PSMD9: variants seen among roughly 807,000 people sequenced by gnomAD.
PSMD9 encodes the protein 26S proteasome non-ATPase regulatory subunit 9.
PSMD9 carries 26 observed loss-of-function variants against 25.9 expected under a neutral mutation model. The ratio of observed to expected loss-of-function variants is 1.00; its 90% CI spans 0.73 to 1.39. PSMD9 has a LOEUF of 1.39. Among genes scored for constraint, PSMD9 ranks in the 40% most tolerant of loss-of-function variants. The pLI, the probability that PSMD9 is intolerant of heterozygous loss-of-function variation, is 0.00. For synonymous variants in PSMD9, 110 were observed against 114.5 expected, an observed-to-expected ratio of 0.96 and a Z score of 0.25; for missense variants, 303 against 299.3, an observed-to-expected ratio of 1.01 and a Z score of -0.09.
intron 4 of PSMD9, among the ~76,000 whole-genome samples, chr12:121,913,894 T>G (rs531702908): frequency 2.8e-4 from 42 of 151,764 alleles, no homozygotes; most frequent in African/African-American, 1.0e-3. Context: ...GCATCTTGTT[T>G]TATTTATTTA....
Position 121,911,094 on chromosome 12 carries a change from CA to C in PSMD9, c.556-4761del, listed in dbSNP as rs1473648928. On this transcript the variant is annotated intron_variant, in intron 4 of 5. Coordinates refer to ENST00000541212, the MANE Select transcript of PSMD9 (RefSeq NM_002813.7). ...TCGCTCTGTTGCCCAGGCTGGAGTGCAGTGGCTCAATCTCCACTCACTGCAC... is the reference window on the plus strand; with the variant it reads ...TCGCTCTGTTGCCCAGGCTGGAGTGCGTGGCTCAATCTCCACTCACTGCAC... The C allele has an allele frequency of 9.7e-5, 42 of 431,082 alleles. No homozygotes were observed. In the Admixed American group the frequency reaches 1.0e-3, roughly 10 times the overall value. 26.7% of individuals were successfully genotyped at this position (431,082 alleles called of 1,614,324 possible). A position where few individuals can be genotyped will look rare whatever the true frequency, so the allele number is the denominator to read the frequency against.
chr12:121,898,552 T>G (rs1879297893), intron 2 of PSMD9: 1 of 152,040 alleles, frequency 6.6e-6, no homozygotes, highest in Non-Finnish European at 1.5e-5. Flanking sequence ...CTTTTTTTTT[T>G]TTTTTTTGAG....
chr12:121,892,709 A>G (rs1879121792), intron 1 of PSMD9, among the ~76,000 whole-genome samples: 1 of 152,014 alleles, frequency 6.6e-6, no homozygotes, highest in Non-Finnish European at 1.5e-5. Flanking sequence ...TTTAAAAAAA[A>G]AAAATTAAAA....
At chr12:121,910,467 A>C (rs1308839455) in intron 4 of PSMD9, among the ~76,000 whole-genome samples, 1 of 151,782 alleles carries the variant, frequency 6.6e-6, no homozygotes, top group Non-Finnish European at 1.5e-5. Flanking sequence ...ATAATATAAA[A>C]ATTACCATTT....
chr12:121,894,726 T>G lies in PSMD9; in HGVS notation c.139-13T>G. 6.2e-7 allele frequency: 1 copy of G among 1,613,210 alleles called. No homozygotes were observed. The highest frequency in any genetic ancestry group is 1.3e-5 in the African/African-American group (1 of 74,988). ...ACCCATGAGCACCTTTTAACCACGT[T>G]TCTTTCCTCCAGCAAAAAGGCATTG... On this transcript the variant is annotated splice_polypyrimidine_tract_variant and intron_variant, in intron 1 of 5. Transcript: ENST00000541212.
At chr12:121,889,566 A>G (rs762136671) in intron 1 of PSMD9, among the ~76,000 whole-genome samples, 1 of 152,188 alleles carries the variant, frequency 6.6e-6, no homozygotes, top group Non-Finnish European at 1.5e-5. Context: ...TATATGAATT[A>G]CCTGGGGATC....
intron 2 of PSMD9, chr12:121,897,487 G>A (rs917954069): frequency 6.6e-6 from 1 of 152,286 alleles, no homozygotes; most frequent in African/African-American, 2.4e-5. Flanking sequence ...GGCCAGGCTG[G>A]TCTTGAACTC....
rs188268911 is a variant in PSMD9, at chr12:121,899,699, C to G, written c.307C>G (p.Arg103Gly). Reference protein sequence around the residue: ...VEEALHQLHARDKEKQARDMA... With the variant: ...VEEALHQLHAGDKEKQARDMA... Reference sequence around the variant, plus strand: ...GGAGGCCCTGCACCAGCTGCACGCTCGCGACAAGGAGAAGCAGGCCCGGGA... The same window carrying G: ...GGAGGCCCTGCACCAGCTGCACGCTGGCGACAAGGAGAAGCAGGCCCGGGA... The change falls in exon 3 of 6, where the codon CGC (arginine) becomes GGC (glycine). Residue 103 changes from arginine to glycine, a missense_variant. Coordinates refer to ENST00000541212, the MANE Select transcript of PSMD9 (RefSeq NM_002813.7). The G allele has an allele frequency of 1.2e-6, 2 of 1,613,988 alleles. No homozygotes were observed. Among genetic ancestry groups the G allele is most frequent in the Non-Finnish European group, 8.5e-7 (1 of 1,179,968 alleles).
intron 1 of PSMD9, among the ~76,000 whole-genome samples, chr12:121,892,192 C>T (rs771119959): frequency 2.0e-5 from 3 of 152,018 alleles, no homozygotes; most frequent in Non-Finnish European, 4.4e-5. Flanking sequence ...TCTTACAACT[C>T]AATAATAAAA....
intron 4 of PSMD9, among the ~76,000 whole-genome samples, chr12:121,907,227 G>A (rs1405393298): frequency 6.6e-6 from 1 of 151,584 alleles, no homozygotes; most frequent in Admixed American, 6.6e-5. Flanking sequence ...CCGCCACCAC[G>A]CCCAGCTAAT....
At chr12:121,906,201 C>T (rs906360722) in intron 4 of PSMD9, among the ~76,000 whole-genome samples, 8 of 151,470 alleles carry the variant, frequency 5.3e-5, no homozygotes, top group African/African-American at 9.7e-5. Flanking sequence ...TGAAATTTCA[C>T]GGGGAATTCC....
At chr12:121,899,415 G>C (rs1429322821) in intron 2 of PSMD9, 2 of 555,202 alleles carry the variant, frequency 3.6e-6, no homozygotes, top group African/African-American at 3.8e-5. Context: ...CCTCCCTGCA[G>C]TCATCAGATG....
At chr12:121,905,608 A>G (rs1592946898) in intron 4 of PSMD9, among the ~76,000 whole-genome samples, 1 of 150,756 alleles carries the variant, frequency 6.6e-6, no homozygotes, top group Non-Finnish European at 1.5e-5. Context: ...GCTCACTGCA[A>G]CCTCTGCCTC....
At chr12:121,899,325 C>T in intron 2 of PSMD9, 2 of 357,594 alleles carry the variant, frequency 5.6e-6, no homozygotes, top group South Asian at 7.3e-5. Context: ...CCTCTCAGGG[C>T]TCACCCGAGA....
chr12:121,903,004 A>G lies in PSMD9; in HGVS notation c.454-2A>G, dbSNP rs1005347831. On this transcript the variant is annotated splice_acceptor_variant, in intron 3 of 5. Transcript: ENST00000541212. LOFTEE classifies it high-confidence loss of function. Reference sequence around the variant, plus strand: ...ATTTTCCATTTTTCCTTCCCTCTCCAGGGTCTGCAAGTGGATGATGAGATT... The same window carrying G: ...ATTTTCCATTTTTCCTTCCCTCTCCGGGGTCTGCAAGTGGATGATGAGATT... The G allele has an allele frequency of 3.7e-6, 6 of 1,613,312 alleles. No individual in the cohort carries two copies. The highest frequency in any genetic ancestry group is 5.1e-6 in the Non-Finnish European group (6 of 1,179,416).
chr12:121,888,932 C>G lies in PSMD9; in HGVS notation c.76C>G (p.Leu26Val). ...CGTGACTGTCAGCGACGTCCAGGAG[C>G]TGATGCGGCGCAAGGAGGAGATAGA... is the stretch of plus-strand genomic sequence containing the variant. ...GVVTVSDVQE[L>V]MRRKEEIEAQ... The change falls in exon 1 of 6, where the codon CTG (leucine) becomes GTG (valine). Residue 26 changes from leucine (L) to valine (V), a missense_variant. Physicochemically the swap from Leu to Val is conservative, Grantham distance 32. Coordinates refer to ENST00000541212, the MANE Select transcript of PSMD9 (RefSeq NM_002813.7). 6.3e-7 allele frequency: 1 copy of G among 1,594,198 alleles called. No homozygotes were observed. The highest frequency in any genetic ancestry group is 8.5e-7 in the Non-Finnish European group (1 of 1,171,114).
intron 1 of PSMD9, chr12:121,893,960 C>T (rs1879160118): frequency 6.6e-6 from 1 of 152,114 alleles, no homozygotes; most frequent in Non-Finnish European, 1.5e-5. Flanking sequence ...GCGAGTGCTC[C>T]TATTCCCATT....
At chr12:121,906,058 T>G (rs1879545617) in intron 4 of PSMD9, among the ~76,000 whole-genome samples, 1 of 150,310 alleles carries the variant, frequency 6.7e-6, no homozygotes, top group Non-Finnish European at 1.5e-5. Context: ...GTTGTGTGGA[T>G]CTGTGAGAAG....
chr12:121,912,361 A>C (rs571403345), intron 4 of PSMD9, among the ~76,000 whole-genome samples: 2 of 151,960 alleles, frequency 1.3e-5, no homozygotes, highest in Non-Finnish European at 2.9e-5. Flanking sequence ...ACCCTCCATT[A>C]CTGTTTTCCA....
Sources: allele counts gnomAD v4.1 joint callset (sites outside exome capture counted in the v4.1 genomes callset), GRCh38; gene constraint gnomAD v4.1.1; transcripts MANE v1.5; gene names NCBI Gene and HGNC (gene_info 2026-07-23, HGNC 2026-07-21).